TSPEAR: variants seen among roughly 807,000 people sequenced by gnomAD.
The protein encoded by TSPEAR is thrombospondin type laminin G domain and EAR repeats, also known as thrombospondin-type laminin G domain and EAR repeat-containing protein.
Under a neutral mutation model 71.6 loss-of-function variants are expected in TSPEAR, and 69 were observed. The ratio of observed to expected loss-of-function variants is 0.96; its 90% CI spans 0.79 to 1.18. The LOEUF (loss-of-function observed/expected upper bound fraction) is 1.18, where lower values mean the gene tolerates loss of function less well. Ranked by LOEUF, TSPEAR falls within the 50% of genes most tolerant of loss-of-function variation. The pLI, the probability that TSPEAR is intolerant of heterozygous loss-of-function variation, is 0.00. For synonymous variants in TSPEAR, 402 were observed against 387.2 expected (o/e 1.04, Z -0.45); for missense variants, 971 against 894.9 (o/e 1.09, Z -1.09).
chr21:44,511,499 T>G (rs587651197), intron 9 of TSPEAR, among the ~76,000 whole-genome samples: 22 of 152,366 alleles, frequency 1.4e-4, no homozygotes, highest in African/African-American at 5.0e-4. Context: ...TATGTATGCA[T>G]GCAACCATGC....
At chr21:44,558,543 C>T (rs782643732) in intron 2 of TSPEAR, 19 of 1,613,274 alleles carry the variant, frequency 1.2e-5, no homozygotes, top group Non-Finnish European at 1.6e-5. Context: ...GGCCGCCTGG[C>T]AGCAGGGGCT....
chr21:44,558,239 G>T (rs2053571112), intron 2 of TSPEAR: 1 of 1,613,294 alleles, frequency 6.2e-7, no homozygotes, highest in African/African-American at 1.3e-5. Context: ...GGCAGAGGAG[G>T]GACACGGAGG....
intron 2 of TSPEAR, among the ~76,000 whole-genome samples, chr21:44,552,976 G>C (rs1489740722): frequency 1.3e-5 from 2 of 152,242 alleles, no homozygotes; most frequent in Non-Finnish European, 2.9e-5. Flanking sequence ...AGCCGAGGCA[G>C]CGGCGTTCCC....
At position 44,560,824 on chromosome 21, in the gene TSPEAR, G is replaced by A. The variant is rs140728682; in HGVS notation, c.303+6961C>T. Among the ~76,000 whole-genome samples the A allele has an allele frequency of 9.1e-3, 1,385 of 152,158 alleles. 19 individuals carry two copies. Among genetic ancestry groups the A allele is most frequent in the African/African-American group, 0.032 (1,309 of 41,488 alleles). On this transcript the variant is annotated intron_variant, in intron 2 of 11. Transcript: ENST00000323084. ...AATGTCCCAGAATCTCTGGAACACAGCTAAAGCAGTGTTAACAGGGAAATT... is the reference window on the plus strand; with the variant it reads ...AATGTCCCAGAATCTCTGGAACACAACTAAAGCAGTGTTAACAGGGAAATT...
At chr21:44,594,205 A>G (rs1482825774) in intron 1 of TSPEAR, among the ~76,000 whole-genome samples, 2 of 152,262 alleles carry the variant, frequency 1.3e-5, no homozygotes, top group African/African-American at 4.8e-5. Context: ...TAAGACTCAC[A>G]GAAGTCAGAG....
chr21:44,503,184 C>G (rs1601314680), intron 11 of TSPEAR, among the ~76,000 whole-genome samples: 1 of 105,108 alleles, frequency 9.5e-6, no homozygotes, highest in Non-Finnish European at 1.9e-5. Context: ...TGGAAGCCGG[C>G]CTTGGTGAGC....
At chr21:44,570,381 G>A (rs782184387) in intron 1 of TSPEAR, among the ~76,000 whole-genome samples, 28 of 152,214 alleles carry the variant, frequency 1.8e-4, no homozygotes, top group Non-Finnish European at 3.5e-4. Flanking sequence ...CCCTGACACA[G>A]CCTCGGCAGT....
chr21:44,663,111 A>G (rs1376618086), intron 1 of TSPEAR, among the ~76,000 whole-genome samples: 2 of 20,726 alleles, frequency 9.6e-5, no homozygotes, highest in Non-Finnish European at 2.4e-4. Context: ...TAAAAATCTG[A>G]AAAAAAAAAT....
intron 1 of TSPEAR, among the ~76,000 whole-genome samples, chr21:44,684,579 A>G (rs5013902): frequency 0.63 from 96,096 of 151,606 alleles, 30,600 homozygotes; most frequent in South Asian, 0.72. Flanking sequence ...GTTCAGAGGA[A>G]CAAAAGCTGG....
At chr21:44,636,582 G>A (rs1374811674) in intron 1 of TSPEAR, among the ~76,000 whole-genome samples, 3 of 152,144 alleles carry the variant, frequency 2.0e-5, no homozygotes, top group African/African-American at 7.2e-5. Flanking sequence ...CCAGGCGTCC[G>A]GGCAGTGGGG....
rs587682451 is a variant in TSPEAR at position 44,517,387 on chromosome 21, T to TGAGCTGTGAGTACACGTGACACAGGGAC, written c.1566+4468_1566+4495dup. On this transcript the variant is annotated intron_variant, in intron 9 of 11. Coordinates refer to ENST00000323084, the MANE Select transcript of TSPEAR (RefSeq NM_144991.3). The stretch of plus-strand genomic sequence containing the variant: ...GGGTCATATGACCAGCACTAGCCAA[T>TGAGCTGTGAGTACACGTGACACAGGGAC]GAGCTGTGAGTACACGTGACACAGG... The TGAGCTGTGAGTACACGTGACACAGGGAC allele has an allele frequency of 2.5e-4, 50 of 199,490 alleles. No individual in the cohort carries two copies. In the South Asian group the frequency reaches 4.0e-3, roughly 16 times the overall value. 12.4% of individuals were successfully genotyped at this position (199,490 alleles called of 1,614,324 possible).
chr21:44,512,327 C>G (rs1381195547), intron 9 of TSPEAR, among the ~76,000 whole-genome samples: 1 of 114,996 alleles, frequency 8.7e-6, no homozygotes, highest in East Asian at 3.0e-4. Context: ...AGAGGTGAGC[C>G]AAGTGCTGTG....
At chr21:44,530,866 G>A (rs1436006510) in intron 4 of TSPEAR, among the ~76,000 whole-genome samples, 177 bp downstream of exon 4, 2 of 152,206 alleles carry the variant, frequency 1.3e-5, no homozygotes, top group African/African-American at 2.4e-5. Context: ...CAGGGAGGAG[G>A]GTGCCAGGAG....
intron 1 of TSPEAR, among the ~76,000 whole-genome samples, chr21:44,659,427 C>T (rs73233081): frequency 6.6e-6 from 1 of 152,060 alleles, no homozygotes; most frequent in African/African-American, 2.4e-5. Context: ...AACAACAAAA[C>T]CCAAACCACG....
At chr21:44,508,853 C>T (rs782650521) in intron 10 of TSPEAR, 9 of 1,408,060 alleles carry the variant, frequency 6.4e-6, no homozygotes, top group East Asian at 7.8e-5. Context: ...TCGCACCTGT[C>T]CCTCTGGGGC....
At chr21:44,669,167 G>A (rs587664156) in intron 1 of TSPEAR, among the ~76,000 whole-genome samples, 1 of 152,322 alleles carries the variant, frequency 6.6e-6, no homozygotes, top group Non-Finnish European at 1.5e-5. Flanking sequence ...GCTCACGCCT[G>A]TAATCCCAGC....
intron 9 of TSPEAR, among the ~76,000 whole-genome samples, chr21:44,521,584 T>C (rs587703027): frequency 4.6e-4 from 70 of 152,318 alleles, no homozygotes; most frequent in Middle Eastern, 3.4e-3. Flanking sequence ...GGGGCTGCTT[T>C]ATGGAGAACA....
chr21:44,567,961 C>A lies in TSPEAR; in HGVS notation c.127G>T (p.Gly43Cys). 6.4e-7 allele frequency: 1 copy of A among 1,566,290 alleles called. No homozygotes were observed. Among genetic ancestry groups the A allele is most frequent in the Non-Finnish European group, 8.7e-7 (1 of 1,151,244 alleles). Reference protein sequence around the residue: ...DILAEVVPSDGATSGIRIVQV... With the variant: ...DILAEVVPSDCATSGIRIVQV... ...ACTATCCTGATCCCGCTTGTGGCGC[C>A]ATCAGAAGGGACCACTTCCGCCAGG... is the stretch of plus-strand genomic sequence containing the variant. The change falls in exon 2 of 12, where the codon GGC (glycine) becomes TGC (cysteine). Residue 43 changes from glycine to cysteine, a missense_variant. Physicochemically the swap from Gly to Cys is radical, Grantham distance 159. Transcript: ENST00000323084.
At chr21:44,572,707 C>T (rs1411572157) in intron 1 of TSPEAR, among the ~76,000 whole-genome samples, 6 of 151,702 alleles carry the variant, frequency 4.0e-5, no homozygotes, top group Admixed American at 6.6e-5. Context: ...AAGTCCTGAC[C>T]GCTGGTACAT....
Sources: gnomAD v4.1 joint callset for allele counts (sites outside exome capture counted in the v4.1 genomes callset) on GRCh38, gnomAD v4.1.1 for gene constraint, MANE v1.5 for transcripts, NCBI Gene and HGNC (gene_info 2026-07-23, HGNC 2026-07-21) for gene names.